TNIK: variants seen among roughly 807,000 people sequenced by gnomAD.
TNIK encodes TRAF2 and NCK interacting kinase.
Under a neutral mutation model 191.3 loss-of-function variants are expected in TNIK, and 49 were observed. That is an observed-to-expected ratio of 0.26 (90% CI 0.20 to 0.32). TNIK has a LOEUF of 0.32. Among genes scored for constraint, TNIK ranks in the 10% least tolerant of loss-of-function variants. The probability of loss-of-function intolerance (pLI) is 1.00; values close to 1 mark genes in which losing one functional copy is unlikely to be tolerated. For synonymous variants in TNIK, 594 were observed against 600.9 expected (o/e 0.99, Z 0.17); for missense variants, 1,155 against 1,702.3 (o/e 0.68, Z 5.66).
chr3:171,146,449 A>G (rs16855900), intron 12 of TNIK, among the ~76,000 whole-genome samples: 4,323 of 152,262 alleles, frequency 0.028, 177 homozygotes, highest in African/African-American at 0.089. Context: ...TTAATATCCT[A>G]TAGCTGCAAT....
intron 2 of TNIK, among the ~76,000 whole-genome samples, chr3:171,367,834 C>G (rs145689992): frequency 1.2e-4 from 19 of 152,252 alleles, no homozygotes; most frequent in African/African-American, 4.6e-4. Flanking sequence ...GTGGTGGCTA[C>G]AAAACAATGG....
At chr3:171,357,455 G>A (rs1047519001) in intron 2 of TNIK, among the ~76,000 whole-genome samples, 4 of 150,204 alleles carry the variant, frequency 2.7e-5, no homozygotes, top group African/African-American at 9.8e-5. Context: ...CACTCAGCTA[G>A]TTTTTGTATT....
chr3:171,400,440 A>G (rs1720779519), intron 1 of TNIK, among the ~76,000 whole-genome samples: 1 of 152,036 alleles, frequency 6.6e-6, no homozygotes. Flanking sequence ...ATGGTAGTGC[A>G]TTCCTGTAGT....
At chr3:171,162,023 C>T (rs1201882150) in intron 10 of TNIK, among the ~76,000 whole-genome samples, 1 of 152,164 alleles carries the variant, frequency 6.6e-6, no homozygotes, top group African/African-American at 2.4e-5. Flanking sequence ...ATGGTATTAA[C>T]CATTTTTAAA....
At chr3:171,297,142 T>TCGATA (rs1376362815) in intron 2 of TNIK, among the ~76,000 whole-genome samples, 1 of 152,026 alleles carries the variant, frequency 6.6e-6, no homozygotes, top group Non-Finnish European at 1.5e-5. Context: ...TCTCAGTCTC[T>TCGATA]CGATAACTCC....
In TNIK at chr3:171,228,650, T is replaced by C. The variant is rs1743237079; in HGVS notation, c.124-429A>G. ...CTGTGATGGTTTTAACTGGATATGATTCTGCTATAATTCACCTGAGATTGT... is the reference window on the plus strand; with the variant it reads ...CTGTGATGGTTTTAACTGGATATGACTCTGCTATAATTCACCTGAGATTGT... On this transcript the variant is annotated intron_variant, in intron 2 of 32. Transcript: ENST00000436636. Among the ~76,000 whole-genome samples the C allele has an allele frequency of 2.0e-5, 3 of 152,242 alleles. No homozygotes were observed. The South Asian group carries it at 6.2e-4, about 31-fold the overall frequency.
intron 1 of TNIK, among the ~76,000 whole-genome samples, chr3:171,411,435 G>C (rs1051731402): frequency 6.6e-6 from 1 of 151,936 alleles, no homozygotes; most frequent in Non-Finnish European, 1.5e-5. Context: ...AGTTGCCTTT[G>C]ATCACTGGCA....
chr3:171,204,333 G>A (rs1739794444), intron 4 of TNIK, among the ~76,000 whole-genome samples: 1 of 152,170 alleles, frequency 6.6e-6, no homozygotes. Flanking sequence ...AGACTGATAG[G>A]ATTCGTACAG....
intron 1 of TNIK, among the ~76,000 whole-genome samples, chr3:171,371,742 A>G (rs1716519483): frequency 6.6e-6 from 1 of 152,152 alleles, no homozygotes; most frequent in African/African-American, 2.4e-5. Flanking sequence ...AGCAGGTTTT[A>G]TTACAAATGG....
intron 2 of TNIK, among the ~76,000 whole-genome samples, chr3:171,311,330 C>G (rs561961246): frequency 2.5e-4 from 38 of 152,268 alleles, no homozygotes; most frequent in Admixed American, 3.9e-4. Flanking sequence ...TTGCTGATGA[C>G]AGCACACTTT....
At chr3:171,208,839 C>T (rs1452445568) in intron 4 of TNIK, among the ~76,000 whole-genome samples, 10 of 152,086 alleles carry the variant, frequency 6.6e-5, no homozygotes, top group East Asian at 1.9e-4. Flanking sequence ...GGATTACAGG[C>T]GTGAGCCACC....
intron 16 of TNIK, 98 bp downstream of exon 16, chr3:171,128,616 C>G: frequency 2.2e-6 from 3 of 1,390,832 alleles, no homozygotes; most frequent in Non-Finnish European, 1.9e-6. Context: ...ATAATTTGAT[C>G]CTGTGCCTGA....
chr3:171,300,640 A>G (rs867160529), intron 2 of TNIK, among the ~76,000 whole-genome samples: 5 of 152,310 alleles, frequency 3.3e-5, no homozygotes, highest in Middle Eastern at 3.4e-3. Context: ...TCAAATATCC[A>G]TCATATTCCG....
intron 2 of TNIK, among the ~76,000 whole-genome samples, chr3:171,309,331 A>C (rs186057808): frequency 9.2e-5 from 14 of 152,250 alleles, no homozygotes; most frequent in African/African-American, 3.1e-4. Context: ...ATTCTCACTT[A>C]ATAAGTGAGA....
At chr3:171,114,781 G>T (rs562072682) in intron 18 of TNIK, among the ~76,000 whole-genome samples, 132 of 152,238 alleles carry the variant, frequency 8.7e-4, no homozygotes, top group South Asian at 2.3e-3. Flanking sequence ...ATTCCTTTGT[G>T]AAGTAACTAT....
At chr3:171,287,197 A>G (rs745350945) in intron 2 of TNIK, among the ~76,000 whole-genome samples, 1 of 152,208 alleles carries the variant, frequency 6.6e-6, no homozygotes, top group Non-Finnish European at 1.5e-5. Flanking sequence ...CTCAAAACAA[A>G]ACAAAAACAG....
At chr3:171,434,273 G>A (rs1041745003) in intron 1 of TNIK, among the ~76,000 whole-genome samples, 2 of 151,700 alleles carry the variant, frequency 1.3e-5, no homozygotes, top group African/African-American at 4.8e-5. Context: ...GTAATTGATT[G>A]TTTTTCTTGG....
chr3:171,128,490 G>T (rs1284023105), intron 16 of TNIK, among the ~76,000 whole-genome samples: 2 of 152,182 alleles, frequency 1.3e-5, no homozygotes, highest in Admixed American at 1.3e-4. Context: ...TTAAATAGAA[G>T]TGAGTTTGTG....
intron 2 of TNIK, among the ~76,000 whole-genome samples, chr3:171,320,061 A>C (rs542175093): frequency 6.6e-6 from 1 of 152,272 alleles, no homozygotes; most frequent in South Asian, 2.1e-4. Flanking sequence ...ATGCCTGCAA[A>C]ATAACCCATT....
Sources: gnomAD v4.1 joint callset for allele counts (sites outside exome capture counted in the v4.1 genomes callset) on GRCh38, gnomAD v4.1.1 for gene constraint, MANE v1.5 for transcripts, NCBI Gene and HGNC (gene_info 2026-07-23, HGNC 2026-07-21) for gene names.